The following DST variants were observed in gnomAD, a reference collection of about 807,000 sequenced individuals.
DST encodes the protein bullous pemphigoid antigen.
DST carries 253 observed loss-of-function variants against 875.2 expected under a neutral mutation model. The ratio of observed to expected loss-of-function variants is 0.29; its 90% CI spans 0.26 to 0.32. DST has a LOEUF of 0.32. Ranked by LOEUF, DST falls within the 10% of genes least tolerant of loss-of-function variation. DST has a pLI of 1.00. For missense variants in DST, 8,287 were observed against 9,111.6 expected (o/e 0.91, Z 3.68); for synonymous variants, 3,124 against 3,197.1 (o/e 0.98, Z 0.77).
intron 10 of DST, among the ~76,000 whole-genome samples, chr6:56,669,287 CAAAAAAA>C (rs1055863442): frequency 2.9e-5 from 2 of 69,392 alleles, no homozygotes; most frequent in African/African-American, 5.1e-5. Flanking sequence ...TTTGTAAAAC[CAAAAAAA>C]AAAAAAAAAA....
chr6:56,467,279 A>G (rs2094624134), intron 98 of DST: 1 of 152,168 alleles, frequency 6.6e-6, no homozygotes, highest in African/African-American at 2.4e-5. Context: ...GTAGAAAAAA[A>G]TCTGCTACTT....
intron 2 of DST, among the ~76,000 whole-genome samples, chr6:56,943,450 A>G (rs1443449227): frequency 1.4e-5 from 2 of 142,830 alleles, no homozygotes; most frequent in African/African-American, 5.2e-5. Context: ...TTTTTGAGAT[A>G]GATTTTCACT....
rs1301306645 is a variant in DST at position 56,604,832 on chromosome 6, C to CT, written c.9795dup (p.Glu3266ArgfsTer4). The CT allele has an allele frequency of 6.2e-7, 1 of 1,612,724 alleles. No homozygotes were observed. The highest frequency in any genetic ancestry group is 8.5e-7 in the Non-Finnish European group (1 of 1,179,276). On this transcript the variant is annotated frameshift_variant, in exon 40 of 104. Transcript: ENST00000680361. LOFTEE classifies it high-confidence loss of function. ...ATTGAAAGTGTGGCTTCAATACTTT[C>CT]TGGTGTGAACTGAGAAATTTCTGTT... is the stretch of plus-strand genomic sequence containing the variant.
intron 2 of DST, among the ~76,000 whole-genome samples, chr6:56,916,823 C>CACACACACACAGAG (rs555473872): frequency 7.1e-6 from 1 of 140,772 alleles, no homozygotes; most frequent in East Asian, 2.2e-4. Flanking sequence ...CACACACACA[C>CACACACACACAGAG]AGAGAGACAG....
Position 56,572,786 on chromosome 6 carries a change from C to A in DST, c.13515G>T (p.Val4505=), listed in dbSNP as rs376786808. The A allele has an allele frequency of 5.0e-6, 8 of 1,604,902 alleles. No homozygotes were observed. The highest frequency in any genetic ancestry group is 6.8e-6 in the Non-Finnish European group (8 of 1,176,418). ...ACAATTCAGTAACATCTTTTCCTGG[C>A]ACATCTACTTCAGTAAGAGCCTGAG... ...TKTQALTEVD[V]PGKDVTELSQ... The change falls in exon 52 of 104, where the codon GTG becomes GTT. Residue 4505 remains valine, a synonymous_variant. Transcript: ENST00000680361.
chr6:56,708,580 C>A (rs964659456), intron 5 of DST, among the ~76,000 whole-genome samples: 1 of 152,114 alleles, frequency 6.6e-6, no homozygotes, highest in Non-Finnish European at 1.5e-5. Flanking sequence ...ATGTCACTAA[C>A]AATAATAAAC....
chr6:56,636,541 G>A lies in DST; in HGVS notation c.3060+16C>T. ...TCACAATACCATCTATTGAAGTTAT[G>A]ATTCTACTCACATACCTCGAAATAC... On this transcript the variant is annotated intron_variant, in intron 23 of 103. Coordinates refer to ENST00000680361, the MANE Select transcript of DST (RefSeq NM_001374736.1). 1 of 1,602,718 alleles carries A rather than the reference G, an allele frequency of 6.2e-7. No individual in the cohort carries two copies. The highest frequency in any genetic ancestry group is 8.5e-7 in the Non-Finnish European group (1 of 1,172,190).
intron 4 of DST, among the ~76,000 whole-genome samples, chr6:56,755,633 G>C (rs901628564): frequency 6.6e-5 from 10 of 152,326 alleles, no homozygotes; most frequent in African/African-American, 2.4e-4. Flanking sequence ...CTAGCTCAGA[G>C]ACTGACTTTG....
At chr6:56,871,592 T>G (rs888807338) in intron 3 of DST, 1 of 827,030 alleles carries the variant, frequency 1.2e-6, no homozygotes, top group African/African-American at 1.7e-5. Context: ...GAGCTCATGG[T>G]TGGATTAACC....
rs1562184965 is a variant in DST at position 56,468,165 on chromosome 6, AAAATAAAAT to A, written c.22569+808_22569+816del. Among the ~76,000 whole-genome samples the A allele has an allele frequency of 9.2e-4, 139 of 151,856 alleles. 2 individuals carry two copies. The South Asian group carries it at 0.021, about 22-fold the overall frequency. Reference sequence around the variant, plus strand: ...AGCATGGTTCTTTCCAAAGTAAAATAAAATAAAATAAAATAAAAGCTTCATGAACATGTT... The same window carrying A: ...AGCATGGTTCTTTCCAAAGTAAAATAAAAATAAAAGCTTCATGAACATGTT... On this transcript the variant is annotated intron_variant, in intron 98 of 103. Transcript: ENST00000680361.
Position 56,558,523 on chromosome 6 carries a change from C to T in DST, c.14441-1005G>A, listed in dbSNP as rs115406996. On this transcript the variant is annotated intron_variant, in intron 58 of 103. Transcript: ENST00000680361. ...ATGCTGTTGCTGCTGATCCCAGGAG[C>T]ACACTTGGAGAACTAATGACCTAGT... Among the ~76,000 whole-genome samples the T allele has an allele frequency of 7.6e-3, 1,161 of 152,172 alleles. 14 individuals carry two copies. Among genetic ancestry groups the T allele is most frequent in the African/African-American group, 0.027 (1,104 of 41,552 alleles).
At chr6:56,800,186 G>A (rs1005734935) in intron 4 of DST, among the ~76,000 whole-genome samples, 4 of 152,092 alleles carry the variant, frequency 2.6e-5, no homozygotes, top group African/African-American at 9.7e-5. Context: ...AGTAGACAAA[G>A]GGAAGAAGGG....
chr6:56,561,339 T>A lies in DST; in HGVS notation c.14279A>T (p.Glu4760Val). Reference sequence around the variant, plus strand: ...CTGCTCAACTTGAGTCTTCACAGCTTCAGTATCTGTAGGTGCAGGTGTCTG... The same window carrying A: ...CTGCTCAACTTGAGTCTTCACAGCTACAGTATCTGTAGGTGCAGGTGTCTG... ...WQQTPAPTDTEAVKTQVEQNK... is the reference protein window; with the variant it reads ...WQQTPAPTDTVAVKTQVEQNK... Residue 4760 changes from glutamate to valine, a missense_variant, in exon 57 of 104, where the codon GAA (glutamate) becomes GTA (valine). Physicochemically the swap from Glu to Val is moderately radical, Grantham distance 121. This residue lies in a region of DST where 1,513 missense variants were observed against 1,677.8 expected (regional missense o/e 0.90). Transcript: ENST00000680361. 6.2e-7 allele frequency: 1 copy of A among 1,613,620 alleles called. No individual in the cohort carries two copies. Among genetic ancestry groups the A allele is most frequent in the Non-Finnish European group, 8.5e-7 (1 of 1,179,684 alleles).
intron 49 of DST, among the ~76,000 whole-genome samples, chr6:56,587,528 A>C (rs1427471279): frequency 6.6e-6 from 1 of 152,158 alleles, no homozygotes; most frequent in Non-Finnish European, 1.5e-5. Flanking sequence ...CTAGCAAGGC[A>C]GGCCAACATT....
rs750472113 is a variant in DST, at chr6:56,489,478, T to C, written c.20877+12A>G. ...TAATGAGACAATATGCTCTTCTTAA[T>C]TATGGACCCACCTTATGTTGTGCAA... On this transcript the variant is annotated intron_variant, in intron 86 of 103. Transcript: ENST00000680361. The C allele has an allele frequency of 1.2e-6, 2 of 1,608,064 alleles. No homozygotes were observed. Among genetic ancestry groups the C allele is most frequent in the African/African-American group, 1.3e-5 (1 of 74,622 alleles).
intron 10 of DST, among the ~76,000 whole-genome samples, chr6:56,669,634 A>G (rs996735733): frequency 2.0e-4 from 31 of 152,106 alleles, no homozygotes; most frequent in African/African-American, 7.2e-4. Context: ...ATAATTTTCA[A>G]TAAATACTTT....
intron 15 of DST, among the ~76,000 whole-genome samples, chr6:56,643,667 C>T (rs1393750624): frequency 6.6e-6 from 1 of 152,142 alleles, no homozygotes; most frequent in Non-Finnish European, 1.5e-5. Flanking sequence ...TCCAACCAGC[C>T]TCCTAAATAT....
At chr6:56,891,386 C>T (rs530507759) in intron 3 of DST, among the ~76,000 whole-genome samples, 106 of 151,986 alleles carry the variant, frequency 7.0e-4, no homozygotes, top group African/African-American at 2.5e-3. Context: ...AGACAGACTC[C>T]ACCTCTACAA....
At chr6:56,599,902 C>G (rs539725461) in intron 45 of DST, among the ~76,000 whole-genome samples, 167 bp downstream of exon 45, 1 of 152,110 alleles carries the variant, frequency 6.6e-6, no homozygotes, top group Admixed American at 6.6e-5. Context: ...AGTTGGAAAT[C>G]TAACTTTTAG....
Sources: allele counts gnomAD v4.1 joint callset (sites outside exome capture counted in the v4.1 genomes callset), GRCh38; gene constraint gnomAD v4.1.1; regional missense constraint gnomAD v4.1.1; transcripts MANE v1.5; gene names NCBI Gene and HGNC (gene_info 2026-07-23, HGNC 2026-07-21).